The following PDE6B variants were observed in gnomAD, a reference collection of about 807,000 sequenced individuals.
PDE6B encodes the protein rod cGMP-specific 3',5'-cyclic phosphodiesterase subunit beta.
A neutral mutation model predicts 109.0 loss-of-function variants in PDE6B; 106 were observed. That is an observed-to-expected ratio of 0.97 (90% CI 0.83 to 1.14). The LOEUF is 1.14. Among genes scored for constraint, PDE6B ranks in the 50% most tolerant of loss-of-function variants. The probability of loss-of-function intolerance (pLI) is 0.00; values close to 1 mark genes in which losing one functional copy is unlikely to be tolerated. For missense variants in PDE6B, 1,193 were observed against 1,155.6 expected (o/e 1.03, Z -0.47); for synonymous variants, 490 against 471.3 (o/e 1.04, Z -0.51).
chr4:649,768 C>A (rs1187569639), intron 3 of PDE6B, among the ~76,000 whole-genome samples: 1 of 152,142 alleles, frequency 6.6e-6, no homozygotes, highest in Non-Finnish European at 1.5e-5. Context: ...AGACTCTGGC[C>A]CTACTCCACT....
intron 3 of PDE6B, among the ~76,000 whole-genome samples, chr4:646,799 C>T (rs1208392050): frequency 1.3e-5 from 2 of 152,036 alleles, no homozygotes; most frequent in Non-Finnish European, 2.9e-5. Flanking sequence ...ATGTTACCAT[C>T]TGCTCCGGTG....
chr4:660,554 T>C lies in PDE6B; in HGVS notation c.1555T>C (p.Cys519Arg), dbSNP rs1489751964. The change falls in exon 12 of 22, where the codon TGT becomes CGT. Residue 519 changes from cysteine to arginine, a missense_variant. Cys to Arg is a radical substitution (Grantham distance 180). Coordinates refer to ENST00000496514, the MANE Select transcript of PDE6B (RefSeq NM_000283.4). ...LECTELDLVK[C>R]GIQMYYELGV... is the part of the protein sequence containing the mutation. ...GTGCACCGAACTGGACCTGGTCAAA[T>C]GTGGCATCCAGATGTACTACGAGCT... 2 of 1,613,688 alleles carry C rather than the reference T, an allele frequency of 1.2e-6. No homozygotes were observed. Among genetic ancestry groups the C allele is most frequent in the Non-Finnish European group, 1.7e-6 (2 of 1,179,912 alleles).
At position 653,932 on chromosome 4, in the gene PDE6B, G is replaced by A. The variant is rs1438137192; in HGVS notation, c.792G>A (p.Val264=). Residue 264 remains valine (V), a synonymous_variant, in exon 4 of 22, where the codon GTG becomes GTA. Coordinates refer to ENST00000496514, the MANE Select transcript of PDE6B (RefSeq NM_000283.4). The part of the protein sequence containing the change: ...ERQFHKAFYT[V]RAYLNCERYS... ...AGTTCCACAAGGCCTTCTACACGGT[G>A]CGGGCCTACCTCAACTGCGAGCGGT... The A allele has an allele frequency of 6.2e-7, 1 of 1,613,830 alleles. No homozygotes were observed. Among genetic ancestry groups the A allele is most frequent in the Non-Finnish European group, 8.5e-7 (1 of 1,180,020 alleles).
Position 634,683 on chromosome 4 carries a change from C to T in PDE6B, c.475C>T (p.His159Tyr), listed in dbSNP as rs1233995602. Residue 159 changes from histidine to tyrosine, a missense_variant, in exon 2 of 22, where the codon CAC becomes TAC. His to Tyr is a moderately conservative substitution (Grantham distance 83). Coordinates refer to ENST00000496514, the MANE Select transcript of PDE6B (RefSeq NM_000283.4). Reference sequence around the variant, plus strand: ...CTTTCCTCTCTTGCGGCAGTGCCCTCACTTCAGCTCATTTGCTGACGAGCT... The same window carrying T: ...CTTTCCTCTCTTGCGGCAGTGCCCTTACTTCAGCTCATTTGCTGACGAGCT... The part of the protein sequence containing the change: ...VNVEDVAECP[H>Y]FSSFADELTD... 1.2e-6 allele frequency: 2 copies of T among 1,612,658 alleles called. No homozygotes were observed. The highest frequency in any genetic ancestry group is 2.7e-5 in the African/African-American group (2 of 74,890).
At chr4:641,805 C>T (rs551015664) in intron 3 of PDE6B, among the ~76,000 whole-genome samples, 18 of 152,254 alleles carry the variant, frequency 1.2e-4, no homozygotes, top group African/African-American at 3.8e-4. Flanking sequence ...CATCACCATG[C>T]CCACCTAATT....
chr4:660,877 AGGAG>A (rs987779579), intron 12 of PDE6B, among the ~76,000 whole-genome samples: 67 of 150,600 alleles, frequency 4.4e-4, no homozygotes, highest in African/African-American at 1.4e-3. Flanking sequence ...GCAGGGAGGA[AGGAG>A]GGAGGTTAGG....
chr4:656,809 C>G, intron 8 of PDE6B, 65 bp from the exon 9 acceptor site: 2 of 1,529,860 alleles, frequency 1.3e-6, no homozygotes, highest in Non-Finnish European at 1.8e-6. Context: ...TCACTCTCCC[C>G]GGCCACACGC....
Position 663,168 on chromosome 4 carries a change from A to C in PDE6B, c.1901A>C (p.Lys634Thr), listed in dbSNP as rs968905749. 1.2e-6 allele frequency: 2 copies of C among 1,606,066 alleles called. No individual in the cohort carries two copies. Among genetic ancestry groups the C allele is most frequent in the Non-Finnish European group, 1.7e-6 (2 of 1,172,896 alleles). Residue 634 changes from lysine (K) to threonine (T), a missense_variant, in exon 15 of 22, where the codon AAG (lysine) becomes ACG (threonine). By Grantham distance (78) the Lys-to-Thr change is moderately conservative. Transcript: ENST00000496514. This position sits in a 1 kb window ranked among gnomAD's most constrained non-coding sequence, Gnocchi z 4.0. ...GAGCGGCACCACCTGGAGTTTGGGAAGTTCCTGCTCTCGGAGGAGGTTGGT... is the reference window on the plus strand; with the variant it reads ...GAGCGGCACCACCTGGAGTTTGGGACGTTCCTGCTCTCGGAGGAGGTTGGT... ...ILERHHLEFG[K>T]FLLSEETLNI...
At position 662,834 on chromosome 4, in the gene PDE6B, TAAAAAAAAA is replaced by T. The variant is rs36093261; in HGVS notation, c.1832+230_1832+238del. On this transcript the variant is annotated intron_variant, in intron 14 of 21. Transcript: ENST00000496514. This position sits in a 1 kb window ranked among gnomAD's most constrained non-coding sequence, Gnocchi z 4.3. ...GCAAGAGCTCTCCTCTACAAAAACTTAAAAAAAAAAAAAAAAAAAAAAGCTGTGTATGGT... is the reference window on the plus strand; with the variant it reads ...GCAAGAGCTCTCCTCTACAAAAACTTAAAAAAAAAAAAAGCTGTGTATGGT... 3.3e-5 allele frequency among the ~76,000 whole-genome samples: 3 copies of T among 92,132 alleles called. No individual in the cohort carries two copies. The highest frequency in any genetic ancestry group is 6.6e-5 in the Non-Finnish European group (3 of 45,688). The allele number at this position is 92,132 out of a possible 152,430, so 60.4% of individuals were successfully genotyped here.
intron 10 of PDE6B, among the ~76,000 whole-genome samples, chr4:658,605 T>A (rs1364628519): frequency 6.6e-6 from 1 of 152,062 alleles, no homozygotes; most frequent in East Asian, 1.9e-4. Flanking sequence ...AGCCCTGGCA[T>A]GCCCCCGAGG....
Position 634,736 on chromosome 4 carries a change from G to A in PDE6B, c.528G>A (p.Leu176=). 6.2e-7 allele frequency: 1 copy of A among 1,612,070 alleles called. No individual in the cohort carries two copies. Among genetic ancestry groups the A allele is most frequent in the Non-Finnish European group, 8.5e-7 (1 of 1,178,106 alleles). The change falls in exon 2 of 22, where the codon CTG becomes CTA. Residue 176 remains leucine, a synonymous_variant. Transcript: ENST00000496514. ...CTGACTACAAGACAAAGAATATGCTGGCCACACCCATCATGAATGGCAAAG... is the reference window on the plus strand; with the variant it reads ...CTGACTACAAGACAAAGAATATGCTAGCCACACCCATCATGAATGGCAAAG... ...ELTDYKTKNM[L]ATPIMNGKDV... is the part of the protein sequence containing the mutation.
At chr4:632,202 G>A (rs1471433521) in intron 1 of PDE6B, among the ~76,000 whole-genome samples, 1 of 151,900 alleles carries the variant, frequency 6.6e-6, no homozygotes, top group Non-Finnish European at 1.5e-5. Context: ...CCATCTGAGT[G>A]TCACGTTATG....
chr4:656,455 G>C (rs1446185214), intron 8 of PDE6B, among the ~76,000 whole-genome samples, 163 bp downstream of exon 8: 3 of 152,170 alleles, frequency 2.0e-5, no homozygotes, highest in Non-Finnish European at 4.4e-5. Context: ...TGAGGCGGGT[G>C]GATCACCTGG....
intron 3 of PDE6B, among the ~76,000 whole-genome samples, chr4:647,407 G>A (rs952912200): frequency 7.2e-5 from 11 of 151,978 alleles, no homozygotes; most frequent in Admixed American, 4.6e-4. Flanking sequence ...AGCAGCTTCC[G>A]CGCCCTTGTT....
intron 11 of PDE6B, among the ~76,000 whole-genome samples, chr4:659,622 ATG>A (rs1032425262): frequency 4.1e-5 from 6 of 145,778 alleles, no homozygotes; most frequent in South Asian, 2.2e-4. Context: ...CATTGTATGA[ATG>A]TGCACATGTG....
At position 664,967 on chromosome 4, in the gene PDE6B, A is replaced by G. The variant is rs752426216; in HGVS notation, c.2193+23A>G. 5.7e-6 allele frequency: 9 copies of G among 1,581,542 alleles called. No individual in the cohort carries two copies. The Middle Eastern group carries it at 8.5e-4, about 149-fold the overall frequency. ...AAGGTTAGAACAGAGGGCCCTCCAG[A>G]CCCAGAGTCAGTGCCTCTCAGCACA... On this transcript the variant is annotated intron_variant, in intron 18 of 21. Coordinates refer to ENST00000496514, the MANE Select transcript of PDE6B (RefSeq NM_000283.4).
chr4:626,014 A>T lies in PDE6B; in HGVS notation c.388A>T (p.Ile130Phe), dbSNP rs1158621260. Residue 130 changes from isoleucine to phenylalanine, a missense_variant, in exon 1 of 22, where the codon ATC (isoleucine) becomes TTC (phenylalanine). Coordinates refer to ENST00000496514, the MANE Select transcript of PDE6B (RefSeq NM_000283.4). This position sits in a 1 kb window ranked among gnomAD's most constrained non-coding sequence, Gnocchi z 4.6. ...CTGCCTGGTGCCCCCCGACTCCGAGATCGTCTTCCCACTGGACATCGGGGT... is the reference window on the plus strand; with the variant it reads ...CTGCCTGGTGCCCCCCGACTCCGAGTTCGTCTTCCCACTGGACATCGGGGT... ...EDCLVPPDSEIVFPLDIGVVG... is the reference protein window; with the variant it reads ...EDCLVPPDSEFVFPLDIGVVG... 1.3e-6 allele frequency: 2 copies of T among 1,592,222 alleles called. No homozygotes were observed. Among genetic ancestry groups the T allele is most frequent in the Non-Finnish European group, 1.7e-6 (2 of 1,170,094 alleles).
chr4:655,554 G>C (rs1258648169), intron 6 of PDE6B: 2 of 369,118 alleles, frequency 5.4e-6, no homozygotes, highest in Middle Eastern at 1.8e-3. Context: ...CAAGAGGGAG[G>C]GGCCCCAGCA....
chr4:654,816 C>T lies in PDE6B; in HGVS notation c.928-8C>T. On this transcript the variant is annotated splice_polypyrimidine_tract_variant and splice_region_variant and intron_variant, in intron 5 of 21. Coordinates refer to ENST00000496514, the MANE Select transcript of PDE6B (RefSeq NM_000283.4). ...GCAGCCCCCCGACCAGTGTCTTCTG[C>T]TTCTCAGGAAATTGTCTTCTACAAA... 1.3e-6 allele frequency: 2 copies of T among 1,488,628 alleles called. No homozygotes were observed. Among genetic ancestry groups the T allele is most frequent in the East Asian group, 4.5e-5 (2 of 44,332 alleles). The allele number at this position is 1,488,628 out of a possible 1,614,324, so 92.2% of individuals were successfully genotyped here. A position where few individuals can be genotyped will look rare whatever the true frequency, so the allele number is the denominator to read the frequency against.
Sources: gnomAD v4.1 joint callset for allele counts (sites outside exome capture counted in the v4.1 genomes callset) on GRCh38, gnomAD v4.1.1 for gene constraint, Gnocchi (gnomAD v3.1) non-coding constraint, MANE v1.5 for transcripts, NCBI Gene and HGNC (gene_info 2026-07-23, HGNC 2026-07-21) for gene names.